The following CSRNP3 variants were observed in gnomAD, a reference collection of about 807,000 sequenced individuals.
The protein encoded by CSRNP3 is cysteine and serine rich nuclear protein 3.
Under a neutral mutation model 48.0 loss-of-function variants are expected in CSRNP3, and 12 were observed. The observed-to-expected ratio is 0.25, with a 90% CI of 0.16 to 0.41. The LOEUF is 0.41. Among genes scored for constraint, CSRNP3 ranks in the 10% least tolerant of loss-of-function variants. The pLI is 1.00. For synonymous variants in CSRNP3, 263 were observed against 269.7 expected, an observed-to-expected ratio of 0.98 and a Z score of 0.24; for missense variants, 580 against 724.4, an observed-to-expected ratio of 0.80 and a Z score of 2.29.
At position 165,681,760 on chromosome 2, in the gene CSRNP3, T is replaced by TATATACACACACAC. The variant is rs1291170889; in HGVS notation, c.*2008_*2009insTATACACACACACA. On this transcript the variant is annotated 3_prime_UTR_variant, in exon 7 of 7. Transcript: ENST00000651982. ...ATATATATATATATATATATATATA[T>TATATACACACACAC]ACACACACACACACACATACACATA... 2 of 44,728 alleles carry TATATACACACACAC rather than the reference T, an allele frequency of 4.5e-5. No individual in the cohort carries two copies. Among genetic ancestry groups the TATATACACACACAC allele is most frequent in the Non-Finnish European group, 1.2e-4 (2 of 16,572 alleles). 2.8% of individuals were successfully genotyped at this position (44,728 alleles called of 1,614,324 possible).
rs74850973 is a variant in CSRNP3 at position 165,481,287 on chromosome 2, C to A, written c.-283+11547C>A. On this transcript the variant is annotated intron_variant, in intron 1 of 6. Coordinates refer to ENST00000651982, the MANE Select transcript of CSRNP3 (RefSeq NM_001172173.2). The stretch of plus-strand genomic sequence containing the variant: ...ACTTCTTCCTGTAGTGTGAGGTAGA[C>A]TCTTGGCAAGATACGGTCACTTAAT... Among the ~76,000 whole-genome samples, 461 of 152,292 alleles carry A rather than the reference C, an allele frequency of 3.0e-3. 1 individual carries two copies. The highest frequency in any genetic ancestry group is 4.7e-3 in the Non-Finnish European group (322 of 68,034).
At chr2:165,663,057 G>T (rs186377315) in intron 5 of CSRNP3, among the ~76,000 whole-genome samples, 1 of 151,984 alleles carries the variant, frequency 6.6e-6, no homozygotes, top group Admixed American at 6.6e-5. Context: ...CCCATTTAGT[G>T]ACTTACCAAT....
At chr2:165,591,611 C>T (rs1685718987) in intron 3 of CSRNP3, among the ~76,000 whole-genome samples, 1 of 152,176 alleles carries the variant, frequency 6.6e-6, no homozygotes, top group African/African-American at 2.4e-5. Flanking sequence ...ACATGGTCCC[C>T]TGTGTCCCAG....
intron 4 of CSRNP3, among the ~76,000 whole-genome samples, chr2:165,605,609 A>C (rs1008245686): frequency 6.6e-6 from 1 of 152,158 alleles, no homozygotes; most frequent in Non-Finnish European, 1.5e-5. Flanking sequence ...AGTTTTCCAC[A>C]ATACATTTTA....
chr2:165,571,833 A>G (rs1450830163), intron 3 of CSRNP3, among the ~76,000 whole-genome samples: 2 of 152,128 alleles, frequency 1.3e-5, no homozygotes, highest in African/African-American at 2.4e-5. Context: ...AGTAATTAGT[A>G]TATCTATTTT....
intron 4 of CSRNP3, among the ~76,000 whole-genome samples, chr2:165,603,183 C>T (rs1272473188): frequency 2.6e-5 from 4 of 152,308 alleles, no homozygotes; most frequent in African/African-American, 9.6e-5. Flanking sequence ...GCGTGAGCCA[C>T]CGCGCCCGGC....
chr2:165,627,037 C>G (rs2105323282), intron 4 of CSRNP3, among the ~76,000 whole-genome samples: 1 of 152,216 alleles, frequency 6.6e-6, no homozygotes, highest in East Asian at 1.9e-4. Context: ...TTCTTGATGG[C>G]TGCCTTTGAA....
rs376875275 is a variant in CSRNP3, at chr2:165,593,796, A to G, written c.-23-1247A>G. Among the ~76,000 whole-genome samples, 6 of 152,246 alleles carry G rather than the reference A, an allele frequency of 3.9e-5. No individual in the cohort carries two copies. The East Asian group carries it at 5.8e-4, about 15-fold the overall frequency. The stretch of plus-strand genomic sequence containing the variant: ...TCAACTGAAATAAATTAAGTGGAAT[A>G]TAAAATGCATGGAATTGCCTTATTA... On this transcript the variant is annotated intron_variant, in intron 3 of 6. Coordinates refer to ENST00000651982, the MANE Select transcript of CSRNP3 (RefSeq NM_001172173.2).
At chr2:165,469,993 A>C (rs1339130082) in intron 1 of CSRNP3, among the ~76,000 whole-genome samples, 1 of 152,126 alleles carries the variant, frequency 6.6e-6, no homozygotes, top group African/African-American at 2.4e-5. Context: ...ATAACTTTCT[A>C]TGCAAGTGTC....
chr2:165,508,567 T>C (rs539471209), intron 2 of CSRNP3, among the ~76,000 whole-genome samples: 1 of 152,284 alleles, frequency 6.6e-6, no homozygotes, highest in African/African-American at 2.4e-5. Flanking sequence ...GACAACCTGG[T>C]TTATATTCTT....
In CSRNP3 at chr2:165,685,429, T is replaced by C. The variant is rs1373108574; in HGVS notation, c.*5676T>C. ...CTGTCTTGGCATGCCTTGGGTTTCC[T>C]ATCCTGAGAGTGGTAATGCCAGTAG... On this transcript the variant is annotated 3_prime_UTR_variant, in exon 7 of 7. Transcript: ENST00000651982. 1 of 152,096 alleles carries C rather than the reference T, an allele frequency of 6.6e-6. No homozygotes were observed. The highest frequency in any genetic ancestry group is 1.5e-5 in the Non-Finnish European group (1 of 67,978). 9.4% of individuals were successfully genotyped at this position (152,096 alleles called of 1,614,324 possible).
At chr2:165,656,007 A>G (rs1054369577) in intron 4 of CSRNP3, among the ~76,000 whole-genome samples, 2 of 151,392 alleles carry the variant, frequency 1.3e-5, no homozygotes, top group Admixed American at 6.5e-5. Context: ...GGAGAGGGAC[A>G]AAATTCAACC....
Position 165,547,184 on chromosome 2 carries a change from A to C in CSRNP3, c.-24+29223A>C, listed in dbSNP as rs148118325. 2.6e-3 allele frequency among the ~76,000 whole-genome samples: 389 copies of C among 152,290 alleles called. 1 individual carries two copies. The highest frequency in any genetic ancestry group is 8.4e-3 in the African/African-American group (351 of 41,564). Reference sequence around the variant, plus strand: ...TTTTTATATCTGTAGACCATCCCTTATTATGATGTCACTACTCATTTAACT... The same window carrying C: ...TTTTTATATCTGTAGACCATCCCTTCTTATGATGTCACTACTCATTTAACT... On this transcript the variant is annotated intron_variant, in intron 3 of 6. Coordinates refer to ENST00000651982, the MANE Select transcript of CSRNP3 (RefSeq NM_001172173.2).
intron 5 of CSRNP3, among the ~76,000 whole-genome samples, chr2:165,664,632 C>T (rs1055949767): frequency 2.0e-5 from 3 of 152,166 alleles, no homozygotes; most frequent in Admixed American, 2.0e-4. Flanking sequence ...CTTTTAGGCT[C>T]TTTGTTGCCC....
intron 5 of CSRNP3, among the ~76,000 whole-genome samples, chr2:165,662,325 G>A (rs1687112234): frequency 6.6e-6 from 1 of 152,052 alleles, no homozygotes; most frequent in Non-Finnish European, 1.5e-5. Context: ...TCTATTTGGG[G>A]GAGTTCAAGT....
chr2:165,679,463 G>T lies in CSRNP3; in HGVS notation c.1468G>T (p.Ala490Ser). Residue 490 changes from alanine (A) to serine (S), a missense_variant, in exon 7 of 7, where the codon GCC becomes TCC. Coordinates refer to ENST00000651982, the MANE Select transcript of CSRNP3 (RefSeq NM_001172173.2). ...CCGACAAGCAGAAGAGGCCTATGGT[G>T]CCTCCCACTACCCAGCTGCCAACCC... ...YARQAEEAYG[A>S]SHYPAANPSV... 3 of 1,613,286 alleles carry T rather than the reference G, an allele frequency of 1.9e-6. No homozygotes were observed. In the East Asian group the frequency reaches 6.7e-5, roughly 36 times the overall value.
At chr2:165,554,689 CATCTATT>C (rs961107573) in intron 3 of CSRNP3, among the ~76,000 whole-genome samples, 1 of 152,136 alleles carries the variant, frequency 6.6e-6, no homozygotes, top group Admixed American at 6.5e-5. Context: ...AAGCCACCAT[CATCTATT>C]ATCCGGAAGT....
chr2:165,628,493 G>A (rs1402706337), intron 4 of CSRNP3, among the ~76,000 whole-genome samples: 2 of 152,052 alleles, frequency 1.3e-5, no homozygotes, highest in African/African-American at 2.4e-5. Flanking sequence ...GGAGGCCGAG[G>A]GGGGCAGATT....
rs1300146822 is a variant in CSRNP3 at position 165,685,036 on chromosome 2, A to T, written c.*5283A>T. On this transcript the variant is annotated 3_prime_UTR_variant, in exon 7 of 7. Transcript: ENST00000651982. ...CTGTAAGTCATTTGATGCTTTAGAA[A>T]ATAAAAACACACACCTACAGCATTC... is the stretch of plus-strand genomic sequence containing the variant. 1 of 152,108 alleles carries T rather than the reference A, an allele frequency of 6.6e-6. No homozygotes were observed. Among genetic ancestry groups the T allele is most frequent in the African/African-American group, 2.4e-5 (1 of 41,446 alleles). 9.4% of individuals were successfully genotyped at this position (152,108 alleles called of 1,614,324 possible).
Sources: gnomAD v4.1 joint callset for allele counts (sites outside exome capture counted in the v4.1 genomes callset) on GRCh38, gnomAD v4.1.1 for gene constraint, MANE v1.5 for transcripts, NCBI Gene and HGNC (gene_info 2026-07-23, HGNC 2026-07-21) for gene names.